Variants in CENPP observed in about 807,000 individuals in gnomAD.
CENPP encodes centromere protein P.
Under a neutral mutation model 35.6 loss-of-function variants are expected in CENPP, and 24 were observed. The ratio of observed to expected loss-of-function variants is 0.67; its 90% CI spans 0.49 to 0.95. CENPP has a LOEUF of 0.95. Among genes scored for constraint, CENPP ranks in the 40% least tolerant of loss-of-function variants. The pLI, the probability that CENPP is intolerant of heterozygous loss-of-function variation, is 0.00. For missense variants in CENPP, 332 were observed against 345.3 expected (o/e 0.96, Z 0.31); for synonymous variants, 120 against 125.5 (o/e 0.96, Z 0.29).
chr9:92,551,687 T>C (rs995889070), intron 5 of CENPP, among the ~76,000 whole-genome samples: 2 of 151,820 alleles, frequency 1.3e-5, no homozygotes, highest in African/African-American at 4.8e-5. Context: ...CACTCTTCCC[T>C]TCAAGTCCCC....
chr9:92,366,554 A>T (rs534904394), intron 4 of CENPP, among the ~76,000 whole-genome samples: 5 of 152,346 alleles, frequency 3.3e-5, no homozygotes, highest in African/African-American at 1.2e-4. Flanking sequence ...TGATCTAGTT[A>T]AAGTCCTCAG....
Position 92,565,293 on chromosome 9 carries a change from T to TAAAAAAAA in CENPP, c.565-45998_565-45991dup, listed in dbSNP as rs3078380. On this transcript the variant is annotated intron_variant, in intron 5 of 7. Transcript: ENST00000375587. ...ACTAACACTATGATAGCTGATGAGC[T>TAAAAAAAA]AAAAAAAAAAAAAAAAAAAAAAAAA... 7.5e-4 allele frequency among the ~76,000 whole-genome samples: 25 copies of TAAAAAAAA among 33,152 alleles called. 2 individuals are homozygous for TAAAAAAAA. The highest frequency in any genetic ancestry group is 2.3e-3 in the South Asian group (1 of 436). 21.7% of individuals were successfully genotyped at this position (33,152 alleles called of 152,430 possible). A position where few individuals can be genotyped will look rare whatever the true frequency, so the allele number is the denominator to read the frequency against.
intron 5 of CENPP, among the ~76,000 whole-genome samples, chr9:92,551,133 T>C (rs1588268088): frequency 1.3e-5 from 2 of 152,212 alleles, no homozygotes; most frequent in Admixed American, 1.3e-4. Context: ...ACATCTTGCT[T>C]AGTGGCCAAG....
intron 5 of CENPP, among the ~76,000 whole-genome samples, chr9:92,381,933 G>C (rs568884322): frequency 4.6e-5 from 7 of 150,930 alleles, no homozygotes; most frequent in African/African-American, 1.7e-4. Context: ...CAACCTAATG[G>C]GTAGGAAGTG....
chr9:92,442,235 T>A (rs1844412018), intron 5 of CENPP, among the ~76,000 whole-genome samples: 1 of 151,502 alleles, frequency 6.6e-6, no homozygotes, highest in Non-Finnish European at 1.5e-5. Flanking sequence ...CCGTCTCTAC[T>A]AAAAATAAAA....
chr9:92,473,727 C>G (rs1213793838), intron 5 of CENPP, among the ~76,000 whole-genome samples: 2 of 152,202 alleles, frequency 1.3e-5, no homozygotes, highest in Non-Finnish European at 2.9e-5. Flanking sequence ...TTAGTCTCCC[C>G]TTTTTCTGAA....
At chr9:92,414,330 G>T in intron 5 of CENPP, 1 of 195,550 alleles carries the variant, frequency 5.1e-6, no homozygotes, top group Non-Finnish European at 1.1e-5. Context: ...AAATCATTTT[G>T]TAACAAAGAG....
At chr9:92,608,037 G>C (rs1851129478) in intron 5 of CENPP, among the ~76,000 whole-genome samples, 1 of 152,236 alleles carries the variant, frequency 6.6e-6, no homozygotes, top group Admixed American at 6.5e-5. Flanking sequence ...GGGGGCTCCA[G>C]AGGGGAAGTG....
chr9:92,569,783 A>G (rs1203561638), intron 5 of CENPP, among the ~76,000 whole-genome samples: 6 of 152,146 alleles, frequency 3.9e-5, no homozygotes, highest in Non-Finnish European at 2.9e-5. Context: ...TTCTCCTTGA[A>G]GAGGTCCTTC....
chr9:92,541,038 GATC>G (rs1849306409), intron 5 of CENPP, among the ~76,000 whole-genome samples: 2 of 152,012 alleles, frequency 1.3e-5, no homozygotes, highest in Non-Finnish European at 2.9e-5. Context: ...GAGGTGGGCA[GATC>G]ACAAGGTCAG....
At chr9:92,498,937 T>G (rs1407021664) in intron 5 of CENPP, among the ~76,000 whole-genome samples, 2 of 152,214 alleles carry the variant, frequency 1.3e-5, no homozygotes, top group East Asian at 3.8e-4. Flanking sequence ...ATACGGAATT[T>G]CCTGGCAGTC....
Position 92,603,020 on chromosome 9 carries a change from A to T in CENPP, c.565-8294A>T, listed in dbSNP as rs947139607. On this transcript the variant is annotated intron_variant, in intron 5 of 7. Transcript: ENST00000375587. Reference sequence around the variant, plus strand: ...TGGATAGGGTGGTCTCGATCTCTTGACCTCGTGATCCGCTCGCCTTGGCCT... The same window carrying T: ...TGGATAGGGTGGTCTCGATCTCTTGTCCTCGTGATCCGCTCGCCTTGGCCT... 5.3e-5 allele frequency among the ~76,000 whole-genome samples: 8 copies of T among 152,020 alleles called. No individual in the cohort carries two copies. In the South Asian group the frequency reaches 1.7e-3, roughly 32 times the overall value.
intron 5 of CENPP, chr9:92,393,114 C>T: frequency 6.2e-7 from 1 of 1,613,508 alleles, no homozygotes. Flanking sequence ...TGGCAGTCAG[C>T]TTTTTAATTT....
intron 5 of CENPP, among the ~76,000 whole-genome samples, chr9:92,538,267 T>C (rs909009752): frequency 2.6e-5 from 4 of 152,200 alleles, no homozygotes; most frequent in African/African-American, 9.6e-5. Context: ...CCACCATGCA[T>C]AGTTGTCCAT....
Position 92,613,889 on chromosome 9 carries a change from G to A in CENPP, c.*740G>A, listed in dbSNP as rs1311752550. 1 of 152,222 alleles carries A rather than the reference G, an allele frequency of 6.6e-6. No homozygotes were observed. Among genetic ancestry groups the A allele is most frequent in the African/African-American group, 2.4e-5 (1 of 41,412 alleles). The allele number at this position is 152,222 out of a possible 1,614,324, so 9.4% of individuals were successfully genotyped here. On this transcript the variant is annotated 3_prime_UTR_variant, in exon 8 of 8. Coordinates refer to ENST00000375587, the MANE Select transcript of CENPP (RefSeq NM_001012267.3). ...TCAGTCGCCCATTTAGCATTGTTAA[G>A]ATCTGTGAACGCGTGTTGTCTCAAA...
intron 5 of CENPP, among the ~76,000 whole-genome samples, chr9:92,535,578 G>A (rs1486358753): frequency 6.6e-6 from 1 of 151,938 alleles, no homozygotes; most frequent in East Asian, 1.9e-4. Flanking sequence ...GTCATGAGAT[G>A]TCTATTATCT....
At chr9:92,455,825 A>T (rs1275528896) in intron 5 of CENPP, among the ~76,000 whole-genome samples, 1 of 152,188 alleles carries the variant, frequency 6.6e-6, no homozygotes, top group Non-Finnish European at 1.5e-5. Context: ...TAATCCCAGC[A>T]CTTTGGGAGG....
intron 5 of CENPP, among the ~76,000 whole-genome samples, chr9:92,512,942 T>G (rs2131199075): frequency 6.6e-6 from 1 of 152,304 alleles, no homozygotes; most frequent in African/African-American, 2.4e-5. Context: ...GAGGAGTTCC[T>G]TAGGTGATCA....
At chr9:92,425,221 C>T (rs188684292) in intron 5 of CENPP, among the ~76,000 whole-genome samples, 29 of 152,210 alleles carry the variant, frequency 1.9e-4, no homozygotes, top group African/African-American at 7.0e-4. Flanking sequence ...GGCAGATGTA[C>T]CCACTAGAAT....
Sources: allele counts gnomAD v4.1 joint callset (sites outside exome capture counted in the v4.1 genomes callset), GRCh38; gene constraint gnomAD v4.1.1; transcripts MANE v1.5; gene names NCBI Gene and HGNC (gene_info 2026-07-23, HGNC 2026-07-21).